Variants in PCBP3 observed in about 807,000 individuals in gnomAD.
The protein encoded by PCBP3 is poly(rC) binding protein 3, also known as poly(rC)-binding protein 3.
In PCBP3, 25 loss-of-function variants were observed where a neutral mutation model predicts 52.7. That is an observed-to-expected ratio of 0.47 (90% CI 0.35 to 0.66). PCBP3 has a LOEUF of 0.66. PCBP3 is among the 30% of genes least tolerant of loss of function. The pLI, the probability that PCBP3 is intolerant of heterozygous loss-of-function variation, is 0.01. For missense variants in PCBP3, 391 were observed against 490.3 expected (o/e 0.80, Z 1.91); for synonymous variants, 162 against 183.0 (o/e 0.89, Z 0.93).
intron 2 of PCBP3, among the ~76,000 whole-genome samples, chr21:45,717,024 C>T (rs1319180696): frequency 6.6e-6 from 1 of 151,974 alleles, no homozygotes. Context: ...TGTTTAATTC[C>T]TTTCCCTTTC....
chr21:45,670,991 A>G (rs2081134594), intron 2 of PCBP3, among the ~76,000 whole-genome samples: 1 of 152,162 alleles, frequency 6.6e-6, no homozygotes, highest in Non-Finnish European at 1.5e-5. Flanking sequence ...GAGAGCACAC[A>G]TGGAGAAGGC....
intron 15 of PCBP3, 88 bp downstream of exon 15, chr21:45,930,933 A>G (rs971498489): frequency 6.4e-7 from 1 of 1,560,984 alleles, no homozygotes; most frequent in Non-Finnish European, 8.7e-7. Context: ...CTGCCGCTGC[A>G]GCAGTTTCCA....
Position 45,681,987 on chromosome 21 carries a change from G to A in PCBP3, c.-200+13035G>A, listed in dbSNP as rs1351075544. On this transcript the variant is annotated intron_variant, in intron 2 of 17. Coordinates refer to ENST00000681687, the MANE Select transcript of PCBP3 (RefSeq NM_001384156.1). ...AAGGCTCAGAAATCTGGGGGGCTAT[G>A]AAAAAAATTGCTAAGAATCATGTCA... Among the ~76,000 whole-genome samples the A allele has an allele frequency of 2.6e-5, 4 of 152,012 alleles. No individual in the cohort carries two copies. In the East Asian group the frequency reaches 7.7e-4, roughly 29 times the overall value.
chr21:45,879,605 A>G (rs578150735), intron 5 of PCBP3, among the ~76,000 whole-genome samples: 11 of 152,336 alleles, frequency 7.2e-5, no homozygotes, highest in African/African-American at 2.2e-4. Flanking sequence ...AATTTAAATC[A>G]TATAAAATGT....
intron 2 of PCBP3, among the ~76,000 whole-genome samples, chr21:45,707,059 G>A (rs1170975614): frequency 6.6e-6 from 1 of 152,128 alleles, no homozygotes; most frequent in East Asian, 1.9e-4. Context: ...TGCTGACTGA[G>A]TGTGCACGTA....
Position 45,850,005 on chromosome 21 carries a change from T to C in PCBP3, c.-81T>C. ...AAAGTCAACCCTTCTGTAAATCACC[T>C]GCTGTGGTTATGATGCTCTGAGTTC... is the stretch of plus-strand genomic sequence containing the variant. On this transcript the variant is annotated 5_prime_UTR_variant, in exon 5 of 18. Transcript: ENST00000681687. 7.7e-7 allele frequency: 1 copy of C among 1,303,524 alleles called. No homozygotes were observed. The highest frequency in any genetic ancestry group is 1.1e-6 in the Non-Finnish European group (1 of 920,624). 80.7% of individuals were successfully genotyped at this position (1,303,524 alleles called of 1,614,324 possible). A position where few individuals can be genotyped will look rare whatever the true frequency, so the allele number is the denominator to read the frequency against.
intron 5 of PCBP3, among the ~76,000 whole-genome samples, chr21:45,860,295 A>G (rs1288274845): frequency 6.6e-6 from 1 of 152,206 alleles, no homozygotes; most frequent in Non-Finnish European, 1.5e-5. Flanking sequence ...CTGTATTCAC[A>G]TACATGTAGT....
chr21:45,916,703 G>T (rs939949615), intron 12 of PCBP3: 1 of 152,188 alleles, frequency 6.6e-6, no homozygotes, highest in Non-Finnish European at 1.5e-5. Context: ...ACAGCCAGGG[G>T]CTGGTAGCCG....
At chr21:45,756,370 C>T (rs1351928011) in intron 4 of PCBP3, among the ~76,000 whole-genome samples, 1 of 152,076 alleles carries the variant, frequency 6.6e-6, no homozygotes, top group East Asian at 1.9e-4. Flanking sequence ...ACAATGAGTC[C>T]TCTAATGTAG....
intron 9 of PCBP3, among the ~76,000 whole-genome samples, chr21:45,902,144 G>A (rs2096071883): frequency 6.6e-6 from 1 of 152,200 alleles, no homozygotes; most frequent in South Asian, 2.1e-4. Flanking sequence ...AGGAGTGTGC[G>A]AGGCCTTTTC....
chr21:45,703,749 G>C (rs369302145), intron 2 of PCBP3, among the ~76,000 whole-genome samples: 2 of 152,218 alleles, frequency 1.3e-5, no homozygotes, highest in African/African-American at 4.8e-5. Context: ...GGTGGCAGCA[G>C]TGGATATGCA....
intron 5 of PCBP3, among the ~76,000 whole-genome samples, chr21:45,875,494 G>A (rs1299180230): frequency 6.6e-6 from 1 of 152,208 alleles, no homozygotes; most frequent in Non-Finnish European, 1.5e-5. Context: ...AAAAACTCAG[G>A]TCTGCTACTG....
intron 4 of PCBP3, among the ~76,000 whole-genome samples, chr21:45,811,892 CTTA>C (rs987551258): frequency 6.6e-6 from 1 of 152,122 alleles, no homozygotes; most frequent in African/African-American, 2.4e-5. Context: ...CTTCCTTCTT[CTTA>C]TATGTTTTTT....
intron 2 of PCBP3, among the ~76,000 whole-genome samples, chr21:45,708,830 G>A (rs1278424765): frequency 1.3e-5 from 2 of 152,208 alleles, no homozygotes; most frequent in Admixed American, 6.5e-5. Flanking sequence ...TTTGTTCCCC[G>A]TAGGAGCATT....
At chr21:45,727,524 G>A (rs1482146885) in intron 2 of PCBP3, among the ~76,000 whole-genome samples, 1 of 152,228 alleles carries the variant, frequency 6.6e-6, no homozygotes, top group Non-Finnish European at 1.5e-5. Context: ...GAGAGCAAGG[G>A]GACAATGTGG....
At chr21:45,879,115 G>A (rs193132204) in intron 5 of PCBP3, among the ~76,000 whole-genome samples, 177 of 152,178 alleles carry the variant, frequency 1.2e-3, no homozygotes, top group Middle Eastern at 3.4e-3. Flanking sequence ...CCTCCCAGCA[G>A]CTGCAACCAC....
chr21:45,931,080 C>G (rs536339717), intron 15 of PCBP3, among the ~76,000 whole-genome samples: 1 of 152,314 alleles, frequency 6.6e-6, no homozygotes, highest in African/African-American at 2.4e-5. Context: ...GCCGTGGGAG[C>G]AGGAAATAGA....
At chr21:45,894,156 C>A in intron 5 of PCBP3, 1 of 397,378 alleles carries the variant, frequency 2.5e-6, no homozygotes, top group Non-Finnish European at 3.4e-6. Flanking sequence ...AGGTGACCCG[C>A]ACGGCACAGG....
chr21:45,866,779 C>T (rs1184339397), intron 5 of PCBP3, among the ~76,000 whole-genome samples: 1 of 152,166 alleles, frequency 6.6e-6, no homozygotes, highest in Non-Finnish European at 1.5e-5. Context: ...GCACCCCCTC[C>T]CCTCTCCTCT....
Sources: gnomAD v4.1 joint callset for allele counts (sites outside exome capture counted in the v4.1 genomes callset) on GRCh38, gnomAD v4.1.1 for gene constraint, MANE v1.5 for transcripts, NCBI Gene and HGNC (gene_info 2026-07-23, HGNC 2026-07-21) for gene names.